RAD51D: variants seen among roughly 807,000 people sequenced by gnomAD.
RAD51D encodes the protein DNA repair protein RAD51 homolog 4.
RAD51D carries 38 observed loss-of-function variants against 44.1 expected under a neutral mutation model. The observed-to-expected ratio is 0.86, with a 90% CI of 0.67 to 1.13. RAD51D has a LOEUF of 1.13. Among genes scored for constraint, RAD51D ranks in the 50% most tolerant of loss-of-function variants. RAD51D has a pLI of 0.00. For synonymous variants in RAD51D, 141 were observed against 166.6 expected (o/e 0.85, Z 1.18); for missense variants, 390 against 414.0 (o/e 0.94, Z 0.50).
Position 35,100,333 on chromosome 17 carries a change from G to A in RAD51D, c.*620C>T. 1.9e-6 allele frequency: 1 copy of A among 534,248 alleles called. No individual in the cohort carries two copies. Among genetic ancestry groups the A allele is most frequent in the South Asian group, 1.5e-5 (1 of 65,176 alleles). 33.1% of individuals were successfully genotyped at this position (534,248 alleles called of 1,614,324 possible). ...TAAACTGTTCTTTGGGCCTCACTGG[G>A]GGAAACTGAAAAACAGCCTTCTAAG... On this transcript the variant is annotated 3_prime_UTR_variant, in exon 10 of 10. Transcript: ENST00000345365.
chr17:35,116,977 C>T (rs771521302), intron 3 of RAD51D: 1 of 1,613,972 alleles, frequency 6.2e-7, no homozygotes, highest in Non-Finnish European at 8.5e-7. Flanking sequence ...CACGATCTCC[C>T]TGCGGGGACC....
rs1349799055 is a variant in RAD51D, at chr17:35,100,727, G to A, written c.*226C>T. On this transcript the variant is annotated 3_prime_UTR_variant, in exon 10 of 10. Coordinates refer to ENST00000345365, the MANE Select transcript of RAD51D (RefSeq NM_002878.4). ...CACGTTAGAAATAAGGGAAGGAAAC[G>A]TGGCACCAGTATGAATTTCTGGGTC... 6.0e-6 allele frequency: 4 copies of A among 664,038 alleles called. No homozygotes were observed. Among genetic ancestry groups the A allele is most frequent in the Admixed American group, 2.1e-5 (1 of 47,542 alleles). The allele number at this position is 664,038 out of a possible 1,614,324, so 41.1% of individuals were successfully genotyped here.
At chr17:35,112,395 T>G (rs2091688544) in intron 3 of RAD51D, among the ~76,000 whole-genome samples, 2 of 152,058 alleles carry the variant, frequency 1.3e-5, no homozygotes, top group African/African-American at 2.4e-5. Context: ...GTTTTGTTTT[T>G]TTGAGACAGT....
intron 3 of RAD51D, among the ~76,000 whole-genome samples, chr17:35,113,862 T>C (rs905883730): frequency 6.6e-6 from 1 of 152,196 alleles, no homozygotes; most frequent in Admixed American, 6.5e-5. Flanking sequence ...ACTCTGGGAA[T>C]GCAGCCCACA....
chr17:35,117,185 G>A, intron 3 of RAD51D: 2 of 855,038 alleles, frequency 2.3e-6, no homozygotes, highest in East Asian at 5.0e-5. Context: ...AAGGGCAGGG[G>A]CCTTGCCTCA....
chr17:35,106,940 G>T (rs770781275), intron 5 of RAD51D, 48 bp downstream of exon 5: 2 of 1,613,804 alleles, frequency 1.2e-6, no homozygotes, highest in South Asian at 1.1e-5. Context: ...GGGATAATGG[G>T]GTTTTCCTGT....
intron 3 of RAD51D, among the ~76,000 whole-genome samples, chr17:35,109,325 T>C (rs1005545228): frequency 6.6e-6 from 1 of 152,258 alleles, no homozygotes; most frequent in Non-Finnish European, 1.5e-5. Flanking sequence ...ATTTGGTTGT[T>C]TCCACTTTGG....
intron 5 of RAD51D, among the ~76,000 whole-genome samples, chr17:35,106,683 A>T (rs2091608511): frequency 6.6e-6 from 1 of 152,114 alleles, no homozygotes. Flanking sequence ...GGAAAGAGGG[A>T]TATGACTGAT....
At chr17:35,116,770 A>C (rs1199622769) in intron 3 of RAD51D, 7 of 994,926 alleles carry the variant, frequency 7.0e-6, no homozygotes, top group Admixed American at 4.0e-5. Flanking sequence ...CTGTGATCAC[A>C]GGCGTGAGCC....
chr17:35,106,334 A>G, intron 6 of RAD51D, 52 bp downstream of exon 6: 1 of 1,467,758 alleles, frequency 6.8e-7, no homozygotes, highest in Non-Finnish European at 9.5e-7. Context: ...GCCCACAGAG[A>G]TAGCACCTAG....
In RAD51D at chr17:35,107,304, C is replaced by A. The variant is rs2091618883; in HGVS notation, c.345+62G>T. 4 of 1,491,494 alleles carry A rather than the reference C, an allele frequency of 2.7e-6. No individual in the cohort carries two copies. In the Admixed American group the frequency reaches 5.0e-5, roughly 19 times the overall value. 92.4% of individuals were successfully genotyped at this position (1,491,494 alleles called of 1,614,324 possible). ...AGTACGCTGAAGCTCCCCCAGGGAC[C>A]CTGGGCTATGCATCTACCACCCTCA... On this transcript the variant is annotated intron_variant, in intron 4 of 9. Coordinates refer to ENST00000345365, the MANE Select transcript of RAD51D (RefSeq NM_002878.4).
chr17:35,097,499 ATGTGTGTG>A lies in RAD51D; in HGVS notation c.*3446_*3453del, dbSNP rs1035669361. The A allele has an allele frequency of 7.4e-6, 1 of 135,146 alleles. No individual in the cohort carries two copies. The highest frequency in any genetic ancestry group is 3.4e-5 in the African/African-American group (1 of 29,772). The allele number at this position is 135,146 out of a possible 1,614,324, so 8.4% of individuals were successfully genotyped here. ...TATATATGTATATATATGTGTGTAT[ATGTGTGTG>A]TGTGTGTGTGTATATATATATATAT... is the stretch of plus-strand genomic sequence containing the variant. On this transcript the variant is annotated 3_prime_UTR_variant, in exon 10 of 10. Transcript: ENST00000345365.
Position 35,119,106 on chromosome 17 carries a change from C to T in RAD51D, c.144+5G>A, listed in dbSNP as rs876659159. On this transcript the variant is annotated splice_donor_5th_base_variant and intron_variant, in intron 2 of 9. Coordinates refer to ENST00000345365, the MANE Select transcript of RAD51D (RefSeq NM_002878.4). ...AGGTTTGGAATGTGGAGATCAGGAG[C>T]TCACCTTGTAAGACAAGCCACATTT... 4 of 1,612,072 alleles carry T rather than the reference C, an allele frequency of 2.5e-6. No individual in the cohort carries two copies. The highest frequency in any genetic ancestry group is 3.4e-6 in the Non-Finnish European group (4 of 1,178,244).
At chr17:35,115,725 T>G (rs761869841) in intron 3 of RAD51D, among the ~76,000 whole-genome samples, 1 of 151,660 alleles carries the variant, frequency 6.6e-6, no homozygotes, top group Non-Finnish European at 1.5e-5. Flanking sequence ...AAAAATTAGC[T>G]GGGCGTTGAT....
Position 35,103,274 on chromosome 17 carries a change from C to CTG in RAD51D, c.717_718insCA (p.Asp240GlnfsTer9). 6.2e-7 allele frequency: 1 copy of CTG among 1,610,926 alleles called. No homozygotes were observed. Among genetic ancestry groups the CTG allele is most frequent in the Non-Finnish European group, 8.5e-7 (1 of 1,178,884 alleles). ...CTCACCACCACTGCCATGCCAAGGT[C>CTG]CCGGGCCAGGGTCTTCAGCTCTCGG... On this transcript the variant is annotated frameshift_variant, in exon 8 of 10. Coordinates refer to ENST00000345365, the MANE Select transcript of RAD51D (RefSeq NM_002878.4). LOFTEE classifies it high-confidence loss of function. This position sits in a 1 kb window ranked among gnomAD's most constrained non-coding sequence, Gnocchi z 4.1.
intron 3 of RAD51D, among the ~76,000 whole-genome samples, chr17:35,114,897 A>T (rs2142459101): frequency 6.6e-6 from 1 of 152,232 alleles, no homozygotes; most frequent in South Asian, 2.1e-4. Flanking sequence ...TGAATATCTC[A>T]AGTTTCCCAG....
In RAD51D at chr17:35,100,640, G is replaced by A. The variant is rs963332664; in HGVS notation, c.*313C>T. 40 of 560,152 alleles carry A rather than the reference G, an allele frequency of 7.1e-5. No homozygotes were observed. Among genetic ancestry groups the A allele is most frequent in the Middle Eastern group, 4.9e-4 (1 of 2,044 alleles). The allele number at this position is 560,152 out of a possible 1,614,324, so 34.7% of individuals were successfully genotyped here. On this transcript the variant is annotated 3_prime_UTR_variant, in exon 10 of 10. Transcript: ENST00000345365. ...GATGCACAGGATTATCCATCCAGTC[G>A]CCAGCATGCCTCATCAGAGATGCTC...
At chr17:35,112,632 C>T (rs2091691560) in intron 3 of RAD51D, among the ~76,000 whole-genome samples, 1 of 152,176 alleles carries the variant, frequency 6.6e-6, no homozygotes, top group South Asian at 2.1e-4. Context: ...CTTGCCTCGA[C>T]CTTCCAAAGT....
Position 35,093,104 on chromosome 17 carries a change from AG to A in RAD51D, c.*7848del. 1 of 152,246 alleles carries A rather than the reference AG, an allele frequency of 6.6e-6. No homozygotes were observed. Among genetic ancestry groups the A allele is most frequent in the East Asian group, 1.9e-4 (1 of 5,204 alleles). The allele number at this position is 152,246 out of a possible 1,614,324, so 9.4% of individuals were successfully genotyped here. ...GCCTGGACAGAAGAAAGCTGTCATC[AG>A]TATCCCCCATGCATCATAAGCTTAT... On this transcript the variant is annotated 3_prime_UTR_variant, in exon 10 of 10. Coordinates refer to ENST00000345365, the MANE Select transcript of RAD51D (RefSeq NM_002878.4).
Sources: allele counts gnomAD v4.1 joint callset (sites outside exome capture counted in the v4.1 genomes callset), GRCh38; gene constraint gnomAD v4.1.1; non-coding constraint Gnocchi (gnomAD v3.1); transcripts MANE v1.5; gene names NCBI Gene and HGNC (gene_info 2026-07-23, HGNC 2026-07-21).